The following RBFOX1 variants were observed in gnomAD, a reference collection of about 807,000 sequenced individuals.
RBFOX1 encodes the protein RNA binding protein fox-1 homolog 1.
A neutral mutation model predicts 57.7 loss-of-function variants in RBFOX1; 8 were observed. The ratio of observed to expected loss-of-function variants is 0.14; its 90% CI spans 0.08 to 0.25. The LOEUF is 0.25. RBFOX1 is among the 10% of genes least tolerant of loss of function. The probability of loss-of-function intolerance (pLI) is 1.00; values close to 1 mark genes in which losing one functional copy is unlikely to be tolerated. For synonymous variants in RBFOX1, 326 were observed against 222.4 expected (o/e 1.47, Z -4.15); for missense variants, 611 against 548.5 (o/e 1.11, Z -1.14).
At chr16:6,111,111 C>T (rs889621697) in intron 1 of RBFOX1, among the ~76,000 whole-genome samples, 12 of 151,686 alleles carry the variant, frequency 7.9e-5, no homozygotes, top group African/African-American at 2.7e-4. Context: ...GAAGGATGGG[C>T]GAGAGAGGGA....
intron 3 of RBFOX1, among the ~76,000 whole-genome samples, chr16:5,738,635 G>GAAAAAAAAAAAA (rs61011633): frequency 9.8e-5 from 6 of 61,188 alleles, no homozygotes; most frequent in Admixed American, 1.9e-4. Context: ...CTCTGTCTCA[G>GAAAAAAAAAAAA]AAAAAAAAAA....
chr16:5,800,077 G>C (rs1011636433), intron 3 of RBFOX1, among the ~76,000 whole-genome samples: 1 of 151,746 alleles, frequency 6.6e-6, no homozygotes, highest in African/African-American at 2.4e-5. Flanking sequence ...ACATATACAT[G>C]TCCTACTTAT....
chr16:7,237,337 T>C (rs887842155), intron 4 of RBFOX1, among the ~76,000 whole-genome samples: 1 of 152,182 alleles, frequency 6.6e-6, no homozygotes, highest in African/African-American at 2.4e-5. Context: ...GAGTGCAGAA[T>C]GGATTTTGGC....
chr16:6,405,147 A>G (rs2093230378), intron 2 of RBFOX1, among the ~76,000 whole-genome samples: 1 of 152,176 alleles, frequency 6.6e-6, no homozygotes. Flanking sequence ...ATAACATAGA[A>G]ATGTCTATCA....
At position 5,890,348 on chromosome 16, in the gene RBFOX1, C is replaced by T. The variant is rs139628828; in HGVS notation, c.351+23013C>T. ...CACGTAGTGAAGCTAGCGATAATTT[C>T]ACAGCTGAGTAAACGGAGGTGCTGG... On this transcript the variant is annotated intron_variant, in intron 4 of 19. Transcript: ENST00000641259. Among the ~76,000 whole-genome samples, 25 of 152,278 alleles carry T rather than the reference C, an allele frequency of 1.6e-4. No homozygotes were observed. In the East Asian group the frequency reaches 2.3e-3, roughly 14 times the overall value.
chr16:5,376,317 C>T (rs555764069), intron 1 of RBFOX1, among the ~76,000 whole-genome samples: 1 of 152,080 alleles, frequency 6.6e-6, no homozygotes, highest in South Asian at 2.1e-4. Flanking sequence ...TCAGTTGTGA[C>T]TGTTGTTGCT....
At chr16:7,093,164 G>C (rs1463515029) in intron 4 of RBFOX1, among the ~76,000 whole-genome samples, 2 of 152,146 alleles carry the variant, frequency 1.3e-5, no homozygotes, top group African/African-American at 2.4e-5. Flanking sequence ...CGTTTCTGTT[G>C]ACCTGGCAAG....
chr16:7,278,121 G>T (rs570394984), intron 4 of RBFOX1, among the ~76,000 whole-genome samples: 1 of 151,842 alleles, frequency 6.6e-6, no homozygotes, highest in Non-Finnish European at 1.5e-5. Context: ...ATTTGGCTCC[G>T]CTTGGTTTCC....
At chr16:5,631,511 C>T (rs952610969) in intron 3 of RBFOX1, among the ~76,000 whole-genome samples, 93 of 151,262 alleles carry the variant, frequency 6.1e-4, no homozygotes, top group African/African-American at 2.0e-3. Flanking sequence ...GAGCCGAGAT[C>T]GCACCACTGC....
intron 5 of RBFOX1, among the ~76,000 whole-genome samples, chr16:7,562,842 T>C (rs1369487658): frequency 6.6e-6 from 1 of 152,214 alleles, no homozygotes; most frequent in African/African-American, 2.4e-5. Context: ...CCACTGTAGG[T>C]ATACTGGACC....
chr16:5,522,129 C>T (rs938413062), intron 2 of RBFOX1, among the ~76,000 whole-genome samples: 3 of 152,210 alleles, frequency 2.0e-5, no homozygotes, highest in Admixed American at 2.0e-4. Context: ...CTCCTTCATT[C>T]ACTTTTAAGG....
At chr16:7,068,311 C>G (rs1334349202) in intron 4 of RBFOX1, among the ~76,000 whole-genome samples, 2 of 152,112 alleles carry the variant, frequency 1.3e-5, no homozygotes, top group Non-Finnish European at 2.9e-5. Context: ...CATGTGTATT[C>G]AAACACTGCA....
At chr16:7,247,213 G>A (rs931390428) in intron 4 of RBFOX1, among the ~76,000 whole-genome samples, 2 of 152,140 alleles carry the variant, frequency 1.3e-5, no homozygotes. Context: ...TTCTCTTGGT[G>A]AAGGAGAAGT....
At chr16:7,122,660 C>G (rs192129616) in intron 4 of RBFOX1, among the ~76,000 whole-genome samples, 11 of 152,076 alleles carry the variant, frequency 7.2e-5, no homozygotes, top group Non-Finnish European at 1.6e-4. Context: ...AACATTTTGA[C>G]AGTCCGTTAC....
intron 3 of RBFOX1, among the ~76,000 whole-genome samples, chr16:5,864,984 A>G (rs2057313684): frequency 6.6e-6 from 1 of 152,130 alleles, no homozygotes; most frequent in Admixed American, 6.5e-5. Flanking sequence ...ATGCCTTTTT[A>G]TGTTTGTATT....
At chr16:7,653,630 C>T (rs2065597606) in intron 11 of RBFOX1, among the ~76,000 whole-genome samples, 185 bp from the exon 12 acceptor site, 1 of 152,216 alleles carries the variant, frequency 6.6e-6, no homozygotes, top group Non-Finnish European at 1.5e-5. Context: ...ACTACTCATC[C>T]TCTCTGGAGT....
In RBFOX1 at chr16:6,602,925, G is replaced by A. The variant is rs741170; in HGVS notation, c.-63-51678G>A. Among the ~76,000 whole-genome samples the A allele has an allele frequency of 2.3e-4, 35 of 151,944 alleles. No homozygotes were observed. In the East Asian group the frequency reaches 4.8e-3, roughly 21 times the overall value. ...TCCCAAATCCTGTCACTAATAAAAC[G>A]AGAGCTGGAGATTGGGAATCCTGAC... On this transcript the variant is annotated intron_variant, in intron 2 of 15. Transcript: ENST00000550418.
intron 2 of RBFOX1, among the ~76,000 whole-genome samples, chr16:6,473,758 A>G (rs945733800): frequency 2.6e-5 from 4 of 152,152 alleles, no homozygotes; most frequent in African/African-American, 4.8e-5. Flanking sequence ...ACAGCTTCAG[A>G]TATGGCCTGG....
chr16:5,919,542 C>G (rs1032544236), intron 4 of RBFOX1, among the ~76,000 whole-genome samples: 4 of 152,166 alleles, frequency 2.6e-5, no homozygotes, highest in South Asian at 2.1e-4. Context: ...CGGGGTTTCC[C>G]CATGTTGGTC....
Sources: allele counts gnomAD v4.1 joint callset (sites outside exome capture counted in the v4.1 genomes callset), GRCh38; gene constraint gnomAD v4.1.1; transcripts MANE v1.5; gene names NCBI Gene and HGNC (gene_info 2026-07-23, HGNC 2026-07-21).